Variants in FOXP1 observed in about 807,000 individuals in gnomAD.
FOXP1 encodes the protein forkhead box P1.
A neutral mutation model predicts 98.2 loss-of-function variants in FOXP1; 15 were observed. That is an observed-to-expected ratio of 0.15 (90% CI 0.10 to 0.24). The LOEUF is 0.24. Among genes scored for constraint, FOXP1 ranks in the 10% least tolerant of loss-of-function variants. FOXP1 has a pLI of 1.00. For synonymous variants in FOXP1, 371 were observed against 314.5 expected, an observed-to-expected ratio of 1.18 and a Z score of -1.90; for missense variants, 633 against 848.5, an observed-to-expected ratio of 0.75 and a Z score of 3.15.
intron 5 of FOXP1, among the ~76,000 whole-genome samples, chr3:71,215,154 T>C (rs2064826323): frequency 6.6e-6 from 1 of 152,244 alleles, no homozygotes; most frequent in Admixed American, 6.5e-5. Context: ...TACTTGGGCT[T>C]GATTTCTAGC....
intron 12 of FOXP1, among the ~76,000 whole-genome samples, chr3:71,013,946 T>C (rs527706792): frequency 5.3e-5 from 8 of 152,272 alleles, no homozygotes; most frequent in South Asian, 2.1e-4. Flanking sequence ...TGGCTAGCCA[T>C]ATGGAGAAAG....
chr3:71,179,714 A>C (rs1287280425), intron 6 of FOXP1, among the ~76,000 whole-genome samples: 1 of 152,232 alleles, frequency 6.6e-6, no homozygotes. Flanking sequence ...TAAAATGAGA[A>C]GACATGATTT....
At chr3:71,413,821 T>A (rs1416196753) in intron 3 of FOXP1, among the ~76,000 whole-genome samples, 1 of 152,194 alleles carries the variant, frequency 6.6e-6, no homozygotes, top group African/African-American at 2.4e-5. Flanking sequence ...CACACAATGT[T>A]ACAGTAACAT....
chr3:71,432,231 C>T (rs1026857974), intron 3 of FOXP1, among the ~76,000 whole-genome samples: 7 of 152,194 alleles, frequency 4.6e-5, no homozygotes, highest in South Asian at 4.1e-4. Flanking sequence ...AGACTTCTCA[C>T]GGCTGACCTT....
intron 7 of FOXP1, among the ~76,000 whole-genome samples, chr3:71,072,230 G>A (rs2053332166): frequency 6.6e-6 from 1 of 152,152 alleles, no homozygotes. Context: ...GAGGCAGGAG[G>A]ATCGCTTGAG....
chr3:71,365,917 A>C (rs1308284801), intron 3 of FOXP1, among the ~76,000 whole-genome samples: 3 of 152,206 alleles, frequency 2.0e-5, no homozygotes, highest in Non-Finnish European at 4.4e-5. Context: ...TGGGAGGCAG[A>C]GGTTGCAGTG....
rs771579140 is a variant in FOXP1, at chr3:71,326,546, A to C, written c.-72-26666T>G. Among the ~76,000 whole-genome samples the C allele has an allele frequency of 2.0e-4, 31 of 152,302 alleles. 1 individual carries two copies. Among genetic ancestry groups the C allele is most frequent in the Middle Eastern group, 3.4e-3 (1 of 294 alleles). Reference sequence around the variant, plus strand: ...GAACAAAATCTGCAATAGATTCTTCAAGAGATGTGTTGTGAAAAAATAGAA... The same window carrying C: ...GAACAAAATCTGCAATAGATTCTTCCAGAGATGTGTTGTGAAAAAATAGAA... On this transcript the variant is annotated intron_variant, in intron 4 of 20. Coordinates refer to ENST00000649528, the MANE Select transcript of FOXP1 (RefSeq NM_001349338.3).
intron 3 of FOXP1, among the ~76,000 whole-genome samples, chr3:71,380,582 A>G (rs2080071696): frequency 6.6e-6 from 1 of 152,236 alleles, no homozygotes. Context: ...TCGGCAACTT[A>G]GAATAAGTTC....
intron 5 of FOXP1, among the ~76,000 whole-genome samples, chr3:71,293,108 T>C (rs758217195): frequency 6.6e-6 from 1 of 152,230 alleles, no homozygotes; most frequent in Non-Finnish European, 1.5e-5. Context: ...CTACCTTTTA[T>C]AATATTTTGT....
chr3:71,281,171 A>C (rs952153177), intron 5 of FOXP1, among the ~76,000 whole-genome samples: 8 of 151,906 alleles, frequency 5.3e-5, no homozygotes, highest in African/African-American at 1.9e-4. Flanking sequence ...TCAAGGCTGC[A>C]GTGAGCTATG....
chr3:70,970,822 T>C lies in FOXP1; in HGVS notation c.1653-17A>G, dbSNP rs372034388. On this transcript the variant is annotated splice_polypyrimidine_tract_variant and intron_variant, in intron 18 of 20. Transcript: ENST00000649528. The stretch of plus-strand genomic sequence containing the variant: ...GAAGGGTTACTGTGTAAGAAAAACA[T>C]AAAAACTCAAAGTTAAACACAGTCG... 3 of 1,603,798 alleles carry C rather than the reference T, an allele frequency of 1.9e-6. No homozygotes were observed. Among genetic ancestry groups the C allele is most frequent in the Non-Finnish European group, 2.6e-6 (3 of 1,170,652 alleles).
At chr3:71,442,782 C>T (rs896390991) in intron 3 of FOXP1, among the ~76,000 whole-genome samples, 4 of 152,110 alleles carry the variant, frequency 2.6e-5, no homozygotes, top group African/African-American at 7.2e-5. Flanking sequence ...GTTGCCTGCT[C>T]AAAAAAATGA....
intron 7 of FOXP1, among the ~76,000 whole-genome samples, chr3:71,088,314 T>C (rs1222929816): frequency 6.6e-6 from 1 of 152,186 alleles, no homozygotes; most frequent in Non-Finnish European, 1.5e-5. Context: ...GGGACTGTCA[T>C]CACCACGGTG....
intron 3 of FOXP1, among the ~76,000 whole-genome samples, chr3:71,480,860 G>A (rs915630533): frequency 2.0e-5 from 3 of 152,032 alleles, no homozygotes; most frequent in East Asian, 3.9e-4. Flanking sequence ...CACATATATC[G>A]GTCTTTCCCA....
chr3:71,043,554 C>G (rs1407718193), intron 10 of FOXP1, among the ~76,000 whole-genome samples: 2 of 152,158 alleles, frequency 1.3e-5, no homozygotes, highest in Non-Finnish European at 2.9e-5. Flanking sequence ...TCAATGGAAA[C>G]AATAGTTAAT....
At chr3:71,000,914 C>T (rs1418500764) in intron 13 of FOXP1, 58 bp downstream of exon 13, 5 of 1,136,068 alleles carry the variant, frequency 4.4e-6, no homozygotes, top group African/African-American at 3.0e-5. Context: ...CAGAACACTA[C>T]AGAAATCTGG....
intron 20 of FOXP1, among the ~76,000 whole-genome samples, chr3:70,959,750 G>T (rs2032808376): frequency 6.6e-6 from 1 of 152,064 alleles, no homozygotes; most frequent in Admixed American, 6.6e-5. Context: ...CTCCCTGGTG[G>T]CATTTCTCAT....
intron 2 of FOXP1, among the ~76,000 whole-genome samples, chr3:71,522,830 A>T (rs2043095492): frequency 6.6e-6 from 1 of 152,170 alleles, no homozygotes; most frequent in Non-Finnish European, 1.5e-5. Context: ...AAGTCAAGAG[A>T]GACACTGCCA....
intron 6 of FOXP1, among the ~76,000 whole-genome samples, chr3:71,168,902 A>G (rs1035819126): frequency 6.6e-6 from 1 of 152,232 alleles, no homozygotes; most frequent in Non-Finnish European, 1.5e-5. Context: ...ATAGATGGGT[A>G]CAGAGGTAAC....
Sources: allele counts gnomAD v4.1 joint callset (sites outside exome capture counted in the v4.1 genomes callset), GRCh38; gene constraint gnomAD v4.1.1; transcripts MANE v1.5; gene names NCBI Gene and HGNC (gene_info 2026-07-23, HGNC 2026-07-21).